The following RAB37 variants were observed in gnomAD, a reference collection of about 807,000 sequenced individuals.
The protein encoded by RAB37 is ras-related protein Rab-37.
A neutral mutation model predicts 33.1 loss-of-function variants in RAB37; 29 were observed. The observed-to-expected ratio is 0.88, with a 90% CI of 0.65 to 1.20. The LOEUF (loss-of-function observed/expected upper bound fraction) is 1.20, where lower values mean the gene tolerates loss of function less well. RAB37 is among the 50% of genes most tolerant of loss of function. The pLI is 0.00. For missense variants in RAB37, 299 were observed against 301.1 expected, an observed-to-expected ratio of 0.99 and a Z score of 0.05; for synonymous variants, 128 against 119.5, an observed-to-expected ratio of 1.07 and a Z score of -0.47.
chr17:74,736,645 G>T, upstream of RAB37: 1 of 1,535,404 alleles, frequency 6.5e-7, no homozygotes, highest in South Asian at 1.2e-5. Context: ...ACAGGCCGGG[G>T]GAAATGAGAG....
chr17:74,729,947 A>C lies in RAB37; in HGVS notation c.183+581A>C, dbSNP rs1279159287. On this transcript the variant is annotated intron_variant, in intron 2 of 7. Transcript: ENST00000340415. The surrounding 1 kb of genome is among the most constrained non-coding windows in gnomAD (Gnocchi z 4.2). ...CGGGTCTCAGGGAGCTGGCAGGCCC[A>C]GGTTACAGTTCCGTGTTTAGTCCTC... 6.6e-6 allele frequency among the ~76,000 whole-genome samples: 1 copy of C among 152,226 alleles called. No individual in the cohort carries two copies. The highest frequency in any genetic ancestry group is 2.4e-5 in the African/African-American group (1 of 41,452).
At chr17:74,735,613 A>C (rs2034463225), upstream of RAB37, among the ~76,000 whole-genome samples, 1 of 152,100 alleles carries the variant, frequency 6.6e-6, no homozygotes, top group African/African-American at 2.4e-5. Flanking sequence ...AACCAACACC[A>C]CGCCTCTGTA....
At chr17:74,717,711 A>C (rs898644191) in intron 1 of RAB37, among the ~76,000 whole-genome samples, 1 of 149,804 alleles carries the variant, frequency 6.7e-6, no homozygotes, top group Non-Finnish European at 1.5e-5. Context: ...CAGGAGGCTG[A>C]GGCAGAAGAA....
Position 74,737,278 on chromosome 17 carries a change from G to A in RAB37, c.6G>A (p.Thr2=). The A allele has an allele frequency of 6.4e-7, 1 of 1,565,648 alleles. No individual in the cohort carries two copies. The highest frequency in any genetic ancestry group is 8.6e-7 in the Non-Finnish European group (1 of 1,162,458). The stretch of plus-strand genomic sequence containing the variant: ...CTCACCTCTCGTCCAGGGACATGAC[G>A]GGCACGCCAGGCGCCGTTGCCACCC... M[T]GTPGAVATRD... is the part of the protein sequence containing the mutation. Residue 2 remains threonine, a synonymous_variant, in exon 1 of 9, where the codon ACG becomes ACA. Transcript: ENST00000392613.
In RAB37 at chr17:74,729,160, G is replaced by A. The variant is rs562593682; in HGVS notation, c.73-96G>A. 31 of 805,642 alleles carry A rather than the reference G, an allele frequency of 3.8e-5. No homozygotes were observed. The highest frequency in any genetic ancestry group is 1.0e-4 in the African/African-American group (6 of 59,600). 49.9% of individuals were successfully genotyped at this position (805,642 alleles called of 1,614,324 possible). ...GTGTGTGTGCATGTTGTGCACATGC[G>A]TGCTTAGAAAGAATCCACTCCCACA... On this transcript the variant is annotated intron_variant, in intron 1 of 7. Coordinates refer to the RAB37 transcript ENST00000340415. The surrounding 1 kb of genome is among the most constrained non-coding windows in gnomAD (Gnocchi z 4.2).
intron 1 of RAB37, chr17:74,698,702 C>A: frequency 2.6e-6 from 3 of 1,155,330 alleles, no homozygotes; most frequent in South Asian, 1.8e-5. Flanking sequence ...CCAGGGCCTA[C>A]TTGAGGATGG....
Position 74,745,515 on chromosome 17 carries a change from G to A in RAB37, c.*104G>A. On this transcript the variant is annotated 3_prime_UTR_variant, in exon 9 of 9. Transcript: ENST00000392613. This position sits in a 1 kb window ranked among gnomAD's most constrained non-coding sequence, Gnocchi z 4.5. ...GGCTGAGCCAATGGGGAGAAAGATGGAGGACTCACTGCACAGCCGCTTCCT... is the reference window on the plus strand; with the variant it reads ...GGCTGAGCCAATGGGGAGAAAGATGAAGGACTCACTGCACAGCCGCTTCCT... 1 of 916,580 alleles carries A rather than the reference G, an allele frequency of 1.1e-6. No homozygotes were observed. The highest frequency in any genetic ancestry group is 1.7e-6 in the Non-Finnish European group (1 of 574,336). 56.8% of individuals were successfully genotyped at this position (916,580 alleles called of 1,614,324 possible). A position where few individuals can be genotyped will look rare whatever the true frequency, so the allele number is the denominator to read the frequency against.
intron 1 of RAB37, among the ~76,000 whole-genome samples, chr17:74,717,904 C>G (rs960937197): frequency 2.6e-5 from 4 of 152,226 alleles, no homozygotes; most frequent in African/African-American, 9.6e-5. Flanking sequence ...AAGGAGTCCT[C>G]CCTGAGGAGT....
At chr17:74,715,236 T>C (rs1422411880) in intron 1 of RAB37, among the ~76,000 whole-genome samples, 2 of 151,944 alleles carry the variant, frequency 1.3e-5, no homozygotes, top group Non-Finnish European at 2.9e-5. Context: ...GACAAGGGAG[T>C]GAGTCTCAAA....
intron 1 of RAB37, among the ~76,000 whole-genome samples, chr17:74,724,661 T>C (rs1008953444): frequency 3.9e-5 from 6 of 152,158 alleles, no homozygotes; most frequent in Non-Finnish European, 5.9e-5. Flanking sequence ...GCAGTGGAGT[T>C]AGGAGCAATG....
At chr17:74,698,214 C>T (rs1350781151) in intron 1 of RAB37, among the ~76,000 whole-genome samples, 1 of 152,028 alleles carries the variant, frequency 6.6e-6, no homozygotes, top group Non-Finnish European at 1.5e-5. Context: ...CTCCAGGGCG[C>T]CCCCCGGTCC....
intron 1 of RAB37, chr17:74,696,083 G>T: frequency 1.4e-6 from 2 of 1,409,774 alleles, no homozygotes; most frequent in East Asian, 2.3e-5. Context: ...ATGAGGACAG[G>T]ATACTTTGGC....
intron 1 of RAB37, among the ~76,000 whole-genome samples, chr17:74,714,431 ACACG>A (rs1555590481): frequency 6.6e-6 from 1 of 150,728 alleles, no homozygotes; most frequent in East Asian, 2.0e-4. Flanking sequence ...ACACACACAC[ACACG>A]CACGCACAGA....
Position 74,745,254 on chromosome 17 carries a change from T to A in RAB37, c.567-52T>A. ...GGGAGAGGGGAGGGGGCGGCTCAGC[T>A]CCTCACCCCAGCCCAGCCCAGCCCA... On this transcript the variant is annotated intron_variant, in intron 8 of 8. Transcript: ENST00000392613. The surrounding 1 kb of genome is among the most constrained non-coding windows in gnomAD (Gnocchi z 4.5). The A allele has an allele frequency of 1.9e-6, 3 of 1,577,150 alleles. No homozygotes were observed. The highest frequency in any genetic ancestry group is 1.7e-6 in the Non-Finnish European group (2 of 1,147,414).
At chr17:74,723,824 T>C (rs2034272693) in intron 1 of RAB37, among the ~76,000 whole-genome samples, 1 of 152,124 alleles carries the variant, frequency 6.6e-6, no homozygotes, top group Admixed American at 6.5e-5. Context: ...TCCACTTGCC[T>C]TGGCCTCTCA....
intron 1 of RAB37, among the ~76,000 whole-genome samples, chr17:74,718,570 T>G (rs996603638): frequency 3.9e-5 from 6 of 152,022 alleles, no homozygotes; most frequent in Non-Finnish European, 8.8e-5. Flanking sequence ...TAGATGTATT[T>G]GGAAAAAAAA....
In RAB37 at chr17:74,745,325, G is replaced by A. The variant is rs139440620; in HGVS notation, c.586G>A (p.Gly196Arg). 139 of 1,613,748 alleles carry A rather than the reference G, an allele frequency of 8.6e-5. No homozygotes were observed. The African/African-American group carries it at 1.2e-3, about 14-fold the overall frequency. Residue 196 changes from glycine to arginine, a missense_variant, in exon 9 of 9, where the codon GGG (glycine) becomes AGG (arginine). By Grantham distance (125) the Gly-to-Arg change is moderately radical (BLOSUM62 -2). Coordinates refer to ENST00000392613, the MANE Select transcript of RAB37 (RefSeq NM_001006638.3). This position sits in a 1 kb window ranked among gnomAD's most constrained non-coding sequence, Gnocchi z 4.5. ...AIAKELKYRA[G>R]HQADEPSFQI... ...TTCAAGGGAACTGAAATACCGGGCC[G>A]GGCATCAGGCGGATGAGCCCAGCTT...
chr17:74,696,419 C>T (rs1252326828), intron 1 of RAB37, among the ~76,000 whole-genome samples: 4 of 152,168 alleles, frequency 2.6e-5, no homozygotes, highest in Non-Finnish European at 5.9e-5. Flanking sequence ...TTCACTTCTC[C>T]ACCAGGAAAA....
chr17:74,740,648 T>C, intron 1 of RAB37, 120 bp from the exon 2 acceptor site: 1 of 744,306 alleles, frequency 1.3e-6, no homozygotes, highest in Non-Finnish European at 2.4e-6. Context: ...CAGGTGGCCT[T>C]TGGTGCGGTC....
Sources: allele counts gnomAD v4.1 joint callset (sites outside exome capture counted in the v4.1 genomes callset), GRCh38; gene constraint gnomAD v4.1.1; non-coding constraint Gnocchi (gnomAD v3.1); transcripts MANE v1.5; gene names NCBI Gene and HGNC (gene_info 2026-07-23, HGNC 2026-07-21).